The following MALRD1 variants were observed in gnomAD, a reference collection of about 807,000 sequenced individuals.
MALRD1 encodes the protein MAM and LDL-receptor class A domain-containing protein 1.
A neutral mutation model predicts 242.1 loss-of-function variants in MALRD1; 247 were observed. The ratio of observed to expected loss-of-function variants is 1.02; its 90% confidence interval spans 0.92 to 1.13. MALRD1 has a LOEUF of 1.13. Ranked by LOEUF, MALRD1 falls within the 50% of genes most tolerant of loss-of-function variation. The pLI is 0.00. For synonymous variants in MALRD1, 995 were observed against 866.6 expected (o/e 1.15, Z -2.60); for missense variants, 2,989 against 2,533.1 (o/e 1.18, Z -3.86).
chr10:19,195,023 G>A (rs766409878), intron 14 of MALRD1, among the ~76,000 whole-genome samples: 8 of 151,966 alleles, frequency 5.3e-5, no homozygotes, highest in South Asian at 2.1e-4. Flanking sequence ...GAAATCTCAC[G>A]CTGTCCTTAT....
At chr10:19,498,744 G>T in intron 31 of MALRD1, 98 bp downstream of exon 31, 1 of 1,365,990 alleles carries the variant, frequency 7.3e-7, no homozygotes. Context: ...TTATGTGTAT[G>T]TGGGGACAGA....
At chr10:19,386,572 A>G (rs970869399) in intron 26 of MALRD1, among the ~76,000 whole-genome samples, 5 of 152,314 alleles carry the variant, frequency 3.3e-5, no homozygotes, top group African/African-American at 9.6e-5. Flanking sequence ...TATGCCTTCA[A>G]TATACATTCT....
At chr10:19,667,628 T>C (rs2131748785) in intron 36 of MALRD1, among the ~76,000 whole-genome samples, 1 of 152,136 alleles carries the variant, frequency 6.6e-6, no homozygotes, top group South Asian at 2.1e-4. Flanking sequence ...TTACCACTGC[T>C]TGCTTACCCC....
chr10:19,263,304 G>C (rs1021780825), intron 19 of MALRD1, among the ~76,000 whole-genome samples: 1 of 152,132 alleles, frequency 6.6e-6, no homozygotes, highest in Non-Finnish European at 1.5e-5. Flanking sequence ...ACCAACACTA[G>C]CTATCTTTTA....
chr10:19,687,187 G>C (rs562244444), intron 36 of MALRD1, among the ~76,000 whole-genome samples: 1 of 152,196 alleles, frequency 6.6e-6, no homozygotes, highest in South Asian at 2.1e-4. Context: ...ATGTGTCTTA[G>C]TACAAGTATT....
At chr10:19,607,660 C>G in intron 34 of MALRD1, 117 bp from the exon 35 acceptor site, 1 of 1,282,854 alleles carries the variant, frequency 7.8e-7, no homozygotes. Flanking sequence ...AAATATCAGA[C>G]TAGAAAAAAT....
intron 18 of MALRD1, among the ~76,000 whole-genome samples, chr10:19,244,662 T>C (rs1838960704): frequency 6.6e-6 from 1 of 152,196 alleles, no homozygotes. Flanking sequence ...AAATGGCCAT[T>C]GCTACTTGCA....
intron 36 of MALRD1, among the ~76,000 whole-genome samples, chr10:19,646,763 A>C (rs1256930258): frequency 6.6e-6 from 1 of 152,174 alleles, no homozygotes; most frequent in African/African-American, 2.4e-5. Context: ...AATATATATA[A>C]TGCTAATGAT....
At chr10:19,512,658 C>T (rs1194221495) in intron 31 of MALRD1, among the ~76,000 whole-genome samples, 2 of 152,134 alleles carry the variant, frequency 1.3e-5, no homozygotes, top group African/African-American at 4.8e-5. Context: ...ATTGATATCC[C>T]ATTGAAGGTG....
At chr10:19,589,462 G>A (rs976240476) in intron 33 of MALRD1, among the ~76,000 whole-genome samples, 7 of 152,052 alleles carry the variant, frequency 4.6e-5, no homozygotes, top group Non-Finnish European at 8.8e-5. Flanking sequence ...CATGAGATAC[G>A]CTTTATTGCT....
chr10:19,387,824 A>G, intron 27 of MALRD1, 51 bp downstream of exon 27: 2 of 1,515,014 alleles, frequency 1.3e-6, no homozygotes, highest in East Asian at 2.5e-5. Flanking sequence ...CACAATGTAC[A>G]TCAAAATGTC....
At chr10:19,234,632 TAAA>T (rs11370975) in intron 18 of MALRD1, among the ~76,000 whole-genome samples, 1 of 150,912 alleles carries the variant, frequency 6.6e-6, no homozygotes, top group African/African-American at 2.4e-5. Flanking sequence ...AGCTTATCTT[TAAA>T]AAAAAAGCGC....
intron 23 of MALRD1, 141 bp from the exon 24 acceptor site, chr10:19,331,228 A>T: frequency 1.4e-6 from 1 of 703,794 alleles, no homozygotes; most frequent in Non-Finnish European, 2.4e-6. Context: ...CTTTCAACAT[A>T]GGGACATAAA....
intron 14 of MALRD1, among the ~76,000 whole-genome samples, chr10:19,199,690 A>C (rs985068445): frequency 3.9e-5 from 6 of 152,068 alleles, no homozygotes; most frequent in African/African-American, 1.4e-4. Context: ...AATCCCAGCT[A>C]CTCAGTAAGC....
intron 29 of MALRD1, among the ~76,000 whole-genome samples, chr10:19,490,333 A>G (rs1837426084): frequency 6.6e-6 from 1 of 152,160 alleles, no homozygotes; most frequent in Non-Finnish European, 1.5e-5. Context: ...ACAATAAAAT[A>G]CATTAGACAT....
intron 5 of MALRD1, among the ~76,000 whole-genome samples, chr10:19,111,441 A>G (rs1182277668): frequency 6.6e-6 from 1 of 152,242 alleles, no homozygotes; most frequent in Non-Finnish European, 1.5e-5. Context: ...TTTCACGTGA[A>G]TATGACATTT....
intron 28 of MALRD1, among the ~76,000 whole-genome samples, chr10:19,449,060 C>T (rs1835162165): frequency 6.6e-6 from 1 of 152,116 alleles, no homozygotes; most frequent in South Asian, 2.1e-4. Context: ...ACATCTGGAA[C>T]TAGAAACCCA....
intron 19 of MALRD1, among the ~76,000 whole-genome samples, chr10:19,273,525 A>G (rs564349548): frequency 5.3e-5 from 8 of 152,356 alleles, no homozygotes; most frequent in Non-Finnish European, 8.8e-5. Context: ...AAACTGGATC[A>G]CATCCAGATA....
intron 19 of MALRD1, among the ~76,000 whole-genome samples, chr10:19,270,332 TCTCTCACA>T (rs758489242): frequency 4.1e-4 from 30 of 72,668 alleles, no homozygotes; most frequent in African/African-American, 9.5e-4. Flanking sequence ...TCTCTCTCTC[TCTCTCACA>T]CACACACACA....
Sources: gnomAD v4.1 joint callset for allele counts (sites outside exome capture counted in the v4.1 genomes callset) on GRCh38, gnomAD v4.1.1 for gene constraint, MANE v1.5 for transcripts, NCBI Gene and HGNC (gene_info 2026-07-23, HGNC 2026-07-21) for gene names.